Variants in COQ8B observed in about 807,000 individuals in gnomAD.
COQ8B encodes coenzyme Q8B, also known as atypical kinase COQ8B, mitochondrial.
In COQ8B, 44 loss-of-function variants were observed where a neutral mutation model predicts 62.0. The ratio of observed to expected loss-of-function variants is 0.71; its 90% CI spans 0.56 to 0.91. COQ8B has a LOEUF of 0.91. COQ8B is among the 40% of genes least tolerant of loss of function. The probability of loss-of-function intolerance (pLI) is 0.00; values close to 1 mark genes in which losing one functional copy is unlikely to be tolerated. For synonymous variants in COQ8B, 252 were observed against 289.9 expected, an observed-to-expected ratio of 0.87 and a Z score of 1.33; for missense variants, 649 against 731.6, an observed-to-expected ratio of 0.89 and a Z score of 1.30.
chr19:40,695,915 T>C, intron 13 of COQ8B, 74 bp downstream of exon 13: 1 of 1,468,382 alleles, frequency 6.8e-7, no homozygotes, highest in Non-Finnish European at 9.5e-7. Context: ...GCATTTCGCC[T>C]TCTTACTCCT....
At chr19:40,709,467 A>G (rs2082124429) in intron 5 of COQ8B, among the ~76,000 whole-genome samples, 1 of 152,206 alleles carries the variant, frequency 6.6e-6, no homozygotes, top group Non-Finnish European at 1.5e-5. Flanking sequence ...TCTGATGTAC[A>G]CAGACCCTCG....
chr19:40,700,553 T>C, intron 10 of COQ8B, 102 bp from the exon 11 acceptor site: 1 of 1,397,460 alleles, frequency 7.2e-7, no homozygotes, highest in South Asian at 1.4e-5. Context: ...ATGAACAGTC[T>C]GCGCCATGCC....
At chr19:40,697,847 T>TAGAGAGAGAG (rs1349238558) in intron 12 of COQ8B, among the ~76,000 whole-genome samples, 7 of 56,894 alleles carry the variant, frequency 1.2e-4, no homozygotes, top group African/African-American at 5.0e-4. Flanking sequence ...TATATATATA[T>TAGAGAGAGAG]ATATAGAGAG....
chr19:40,692,102 C>T lies in COQ8B; in HGVS notation c.1568G>A (p.Arg523His), dbSNP rs763624929. The T allele has an allele frequency of 9.3e-6, 15 of 1,608,354 alleles. No individual in the cohort carries two copies. Among genetic ancestry groups the T allele is most frequent in the South Asian group, 2.2e-5 (2 of 89,978 alleles). Reference sequence around the variant, plus strand: ...GCCGGCAGTGGCTGCGTCTGGCTGGCGACTGGCCCAGTAGCGGTGGTAGGT... The same window carrying T: ...GCCGGCAGTGGCTGCGTCTGGCTGGTGACTGGCCCAGTAGCGGTGGTAGGT... ...QDTYHRYWAS[R>H]QPDAATAGSL... is the part of the protein sequence containing the mutation. Residue 523 changes from arginine to histidine, a missense_variant, in exon 15 of 15, where the codon CGC becomes CAC. Coordinates refer to ENST00000324464, the MANE Select transcript of COQ8B (RefSeq NM_024876.4).
chr19:40,714,101 AG>A lies in COQ8B; in HGVS notation c.254del (p.Pro85LeufsTer20). On this transcript the variant is annotated frameshift_variant, in exon 4 of 15. Coordinates refer to ENST00000324464, the MANE Select transcript of COQ8B (RefSeq NM_024876.4). LOFTEE classifies it high-confidence loss of function. The part of the protein sequence containing the change: ...LSDRSRERKV[P>X]ASRISRLANF... ...TGGCCAAGCGGCTGATGCGGGAGGC[AG>A]GCACCTTGCGTTCTCGAGAGCGGTC... 1 of 1,614,160 alleles carries A rather than the reference AG, an allele frequency of 6.2e-7. No homozygotes were observed. Among genetic ancestry groups the A allele is most frequent in the Non-Finnish European group, 8.5e-7 (1 of 1,180,016 alleles).
At position 40,692,048 on chromosome 19, in the gene COQ8B, A is replaced by C; in HGVS notation, c.1622T>G (p.Val541Gly). 6.2e-7 allele frequency: 1 copy of C among 1,603,260 alleles called. No homozygotes were observed. The highest frequency in any genetic ancestry group is 8.5e-7 in the Non-Finnish European group (1 of 1,175,204). The change falls in exon 15 of 15, where the codon GTG (valine) becomes GGG (glycine). Residue 541 changes from valine (V) to glycine (G), a missense_variant. By Grantham distance (109) the Val-to-Gly change is moderately radical. Coordinates refer to ENST00000324464, the MANE Select transcript of COQ8B (RefSeq NM_024876.4). ...CCATGGAGGCTGTCATGAGGGATCCACCCAGGAGTCCCCTTTGGTGGGGAG... is the reference window on the plus strand; with the variant it reads ...CCATGGAGGCTGTCATGAGGGATCCCCCCAGGAGTCCCCTTTGGTGGGGAG... ...GSLPTKGDSW[V>G]DPS
intron 10 of COQ8B, among the ~76,000 whole-genome samples, chr19:40,701,750 G>A (rs940708300): frequency 2.6e-5 from 4 of 152,232 alleles, no homozygotes; most frequent in East Asian, 1.9e-4. Context: ...ATTTCATCCC[G>A]CATCTGAGTC....
chr19:40,699,513 G>A (rs1599627061), intron 12 of COQ8B, among the ~76,000 whole-genome samples: 1 of 152,176 alleles, frequency 6.6e-6, no homozygotes, highest in Non-Finnish European at 1.5e-5. Flanking sequence ...CTCTGAGAAG[G>A]CAAGGGTCAG....
chr19:40,705,275 G>C, intron 6 of COQ8B, 50 bp downstream of exon 6: 1 of 1,587,270 alleles, frequency 6.3e-7, no homozygotes, highest in Non-Finnish European at 8.6e-7. Flanking sequence ...GGTGGGTAGG[G>C]CTGGGGTAGA....
chr19:40,697,862 A>AGAGAGAGAGAGAGAGAGG (rs1332583054), intron 12 of COQ8B, among the ~76,000 whole-genome samples: 2 of 123,094 alleles, frequency 1.6e-5, no homozygotes, highest in African/African-American at 6.1e-5. Context: ...AGAGAGAGAG[A>AGAGAGAGAGAGAGAGAGG]GAGAGAGAGA....
chr19:40,692,437 C>T (rs2081980143), intron 14 of COQ8B, 64 bp from the exon 15 acceptor site: 1 of 1,446,242 alleles, frequency 6.9e-7, no homozygotes, highest in Admixed American at 1.9e-5. Context: ...TCTGCATAAC[C>T]CAGAAACAAC....
chr19:40,697,845 T>TAG (rs1370534076), intron 12 of COQ8B, among the ~76,000 whole-genome samples: 4,007 of 52,098 alleles, frequency 0.077, 105 homozygotes, highest in Admixed American at 0.1. Context: ...TATATATATA[T>TAG]ATATATAGAG....
Position 40,714,579 on chromosome 19 carries a change from C to T in COQ8B, c.54G>A (p.Gln18=). The T allele has an allele frequency of 6.2e-7, 1 of 1,613,322 alleles. No individual in the cohort carries two copies. The highest frequency in any genetic ancestry group is 8.5e-7 in the Non-Finnish European group (1 of 1,179,742). Reference sequence around the variant, plus strand: ...GGGCCCCACAAGGCCAACCAACAGTCTGGCCCAGCTGTCCACCGGTCCCCC... The same window carrying T: ...GGGCCCCACAAGGCCAACCAACAGTTTGGCCCAGCTGTCCACCGGTCCCCC... ...LLRGTGGQLG[Q]TVGWPCGALG... Residue 18 remains glutamine (Q), a synonymous_variant, in exon 2 of 15, where the codon CAG becomes CAA. Transcript: ENST00000324464.
rs144343899 is a variant in COQ8B, at chr19:40,692,306, T to C, written c.1364A>G (p.Tyr455Cys). 3.6e-4 allele frequency: 580 copies of C among 1,613,524 alleles called. 4 individuals are homozygous for C. In the Middle Eastern group the frequency reaches 4.6e-3, roughly 13 times the overall value. ...LGEPFATQGP[Y>C]DFGSGETARR... Reference sequence around the variant, plus strand: ...GGCCGTTTCCCCCGACCCAAAGTCATAAGGGCCCTGGGTGGCGAAAGGCTC... The same window carrying C: ...GGCCGTTTCCCCCGACCCAAAGTCACAAGGGCCCTGGGTGGCGAAAGGCTC... The change falls in exon 15 of 15, where the codon TAT becomes TGT. Residue 455 changes from tyrosine (Y) to cysteine (C), a missense_variant. Coordinates refer to ENST00000324464, the MANE Select transcript of COQ8B (RefSeq NM_024876.4).
Position 40,714,047 on chromosome 19 carries a change from T to G in COQ8B, c.289+20A>C. 6.2e-7 allele frequency: 1 copy of G among 1,613,794 alleles called. No individual in the cohort carries two copies. The highest frequency in any genetic ancestry group is 8.5e-7 in the Non-Finnish European group (1 of 1,179,848). On this transcript the variant is annotated intron_variant, in intron 4 of 14. Coordinates refer to ENST00000324464, the MANE Select transcript of COQ8B (RefSeq NM_024876.4). ...CTTTCTAATTGAGGTCACACCAAGA[T>G]CCCCCAAAGTCACACCTACCCCCAA...
At chr19:40,692,901 T>G (rs1478388888) in intron 14 of COQ8B, 50 bp downstream of exon 14, 1 of 1,554,972 alleles carries the variant, frequency 6.4e-7, no homozygotes, top group Non-Finnish European at 8.8e-7. Flanking sequence ...AGCCCCCCAC[T>G]GCACCCCACC....
intron 13 of COQ8B, among the ~76,000 whole-genome samples, chr19:40,693,923 C>T (rs1023164352): frequency 6.6e-6 from 1 of 152,084 alleles, no homozygotes; most frequent in South Asian, 2.1e-4. Context: ...GAGGGGGATT[C>T]GGGATTAATT....
rs1405900812 is a variant in COQ8B at position 40,693,107 on chromosome 19, G to A, written c.1210-70C>T. ...AGGGGGCTCTGGAGAAGAGGAGCTG[G>A]AAGCCTGGGCCTCCCATGTACCCAC... On this transcript the variant is annotated intron_variant, in intron 13 of 14. Transcript: ENST00000324464. 3 of 1,388,336 alleles carry A rather than the reference G, an allele frequency of 2.2e-6. No homozygotes were observed. In the East Asian group the frequency reaches 6.9e-5, roughly 32 times the overall value. The allele number at this position is 1,388,336 out of a possible 1,614,324, so 86.0% of individuals were successfully genotyped here. A position where few individuals can be genotyped will look rare whatever the true frequency, so the allele number is the denominator to read the frequency against.
intron 4 of COQ8B, 103 bp downstream of exon 4, chr19:40,713,960 GTCTC>G: frequency 1.7e-6 from 2 of 1,169,968 alleles, no homozygotes; most frequent in Non-Finnish European, 2.4e-6. Flanking sequence ...CTCTTTTTTT[GTCTC>G]TCTCTCTTTC....
Sources: gnomAD v4.1 joint callset for allele counts (sites outside exome capture counted in the v4.1 genomes callset) on GRCh38, gnomAD v4.1.1 for gene constraint, MANE v1.5 for transcripts, NCBI Gene and HGNC (gene_info 2026-07-23, HGNC 2026-07-21) for gene names.